IGSF10: variants seen among roughly 807,000 people sequenced by gnomAD.
The protein encoded by IGSF10 is calvaria mechanical force protein 608.
A neutral mutation model predicts 128.2 loss-of-function variants in IGSF10; 126 were observed. The ratio of observed to expected loss-of-function variants is 0.98; its 90% CI spans 0.85 to 1.14. The LOEUF (loss-of-function observed/expected upper bound fraction) is 1.14. Among genes scored for constraint, IGSF10 ranks in the 50% most tolerant of loss-of-function variants. The probability of loss-of-function intolerance (pLI) is 0.00; values close to 1 mark genes in which losing one functional copy is unlikely to be tolerated. For synonymous variants in IGSF10, 1,185 were observed against 1,146.2 expected (o/e 1.03, Z -0.68); for missense variants, 3,295 against 3,149.8 (o/e 1.05, Z -1.10).
At chr3:151,508,174 T>C in the IGSF10 span, among the ~76,000 whole-genome samples, 1 of 152,042 alleles carries the variant, frequency 6.6e-6, no homozygotes, top group African/African-American at 2.4e-5. Context: ...GGCATAAAAA[T>C]GTGTATTAAA....
chr3:151,499,068 T>G, the IGSF10 span, among the ~76,000 whole-genome samples: 1 of 152,166 alleles, frequency 6.6e-6, no homozygotes, highest in East Asian at 1.9e-4. Flanking sequence ...TACATTTTAC[T>G]TTTGTACATG....
the IGSF10 span, among the ~76,000 whole-genome samples, chr3:151,585,059 C>T: frequency 6.6e-6 from 1 of 152,146 alleles, no homozygotes; most frequent in Non-Finnish European, 1.5e-5. Context: ...ACTTCCTTGG[C>T]TTATTAGAGT....
the IGSF10 span, among the ~76,000 whole-genome samples, chr3:151,569,734 A>C: frequency 8.7e-4 from 132 of 151,990 alleles, 1 homozygote; most frequent in African/African-American, 2.9e-3. Flanking sequence ...CTATTTTTTA[A>C]TCTTTTTTTT....
the IGSF10 span, among the ~76,000 whole-genome samples, chr3:151,488,812 C>T: frequency 3.3e-5 from 5 of 152,272 alleles, no homozygotes; most frequent in East Asian, 7.7e-4. Flanking sequence ...ACACCTTATA[C>T]AAAAAGTAAC....
chr3:151,502,811 C>T, the IGSF10 span, among the ~76,000 whole-genome samples: 1 of 152,032 alleles, frequency 6.6e-6, no homozygotes, highest in African/African-American at 2.4e-5. Context: ...GCTAACAATA[C>T]AGCAAGAAAA....
the IGSF10 span, among the ~76,000 whole-genome samples, chr3:151,470,496 A>C: frequency 6.6e-6 from 1 of 152,174 alleles, no homozygotes; most frequent in Admixed American, 6.5e-5. Flanking sequence ...GCTCACTAAT[A>C]ATGCTATACC....
the IGSF10 span, among the ~76,000 whole-genome samples, chr3:151,484,100 T>G: frequency 6.6e-6 from 1 of 152,186 alleles, no homozygotes; most frequent in Non-Finnish European, 1.5e-5. Flanking sequence ...CCTGGAATGC[T>G]CAAGCTTGGT....
At chr3:151,525,415 T>C in the IGSF10 span, among the ~76,000 whole-genome samples, 1 of 152,284 alleles carries the variant, frequency 6.6e-6, no homozygotes, top group Non-Finnish European at 1.5e-5. Flanking sequence ...TTCCTAACTG[T>C]ATTAATTTCT....
At chr3:151,574,713 A>G in the IGSF10 span, among the ~76,000 whole-genome samples, 11 of 152,164 alleles carry the variant, frequency 7.2e-5, no homozygotes, top group African/African-American at 1.7e-4. Flanking sequence ...TCTGAAGCCT[A>G]CTTCTGTCAG....
the IGSF10 span, among the ~76,000 whole-genome samples, chr3:151,617,349 C>A: frequency 6.8e-6 from 1 of 148,122 alleles, no homozygotes; most frequent in African/African-American, 2.5e-5. Flanking sequence ...CCTCCTCCTC[C>A]TCCTCCTCCT....
chr3:151,511,497 G>A, the IGSF10 span, among the ~76,000 whole-genome samples: 72,708 of 152,006 alleles, frequency 0.48, 17,859 homozygotes, highest in South Asian at 0.59. Context: ...ACTGGTACCA[G>A]CCACTGCAAA....
the IGSF10 span, among the ~76,000 whole-genome samples, chr3:151,486,570 AAC>A: frequency 6.6e-6 from 1 of 152,218 alleles, no homozygotes; most frequent in Non-Finnish European, 1.5e-5. Flanking sequence ...TTGGAAGTAA[AAC>A]ACTCTTCAGC....
At position 151,453,574 on chromosome 3, in the gene IGSF10, A is replaced by C; in HGVS notation, c.525T>G (p.Ser175=). The change falls in exon 5 of 8, where the codon TCT becomes TCG. Residue 175 remains serine (S), a synonymous_variant. Coordinates refer to ENST00000282466, the MANE Select transcript of IGSF10 (RefSeq NM_178822.5). The stretch of plus-strand genomic sequence containing the variant: ...TTTTAAATATCTGGAGGTAGCTCAA[A>C]GAGACAAATGTATCTGGGTGGAGCT... ...LTKLHPDTFV[S]LSYLQIFKIS... 6.2e-7 allele frequency: 1 copy of C among 1,614,026 alleles called. No individual in the cohort carries two copies. The highest frequency in any genetic ancestry group is 8.5e-7 in the Non-Finnish European group (1 of 1,179,870).
chr3:151,488,209 C>T, the IGSF10 span, among the ~76,000 whole-genome samples: 2 of 152,138 alleles, frequency 1.3e-5, no homozygotes, highest in African/African-American at 4.8e-5. Context: ...CATGAGTGAA[C>T]TCCCATTCAC....
chr3:151,479,070 C>A, the IGSF10 span, among the ~76,000 whole-genome samples: 41 of 152,280 alleles, frequency 2.7e-4, no homozygotes, highest in African/African-American at 9.1e-4. Context: ...GTCATGCCTG[C>A]AAATGCATAG....
At chr3:151,595,238 G>A in the IGSF10 span, among the ~76,000 whole-genome samples, 2 of 152,050 alleles carry the variant, frequency 1.3e-5, no homozygotes, top group Non-Finnish European at 2.9e-5. Flanking sequence ...TAGAACTACC[G>A]AATGACCCAG....
the IGSF10 span, among the ~76,000 whole-genome samples, chr3:151,498,525 G>A: frequency 2.0e-5 from 3 of 152,142 alleles, no homozygotes; most frequent in African/African-American, 7.2e-5. Flanking sequence ...ATCAATAAAC[G>A]TAATCCAGCA....
intron 1 of IGSF10, among the ~76,000 whole-genome samples, chr3:151,460,582 C>T (rs937989053): frequency 6.6e-6 from 1 of 152,226 alleles, no homozygotes; most frequent in Non-Finnish European, 1.5e-5. Context: ...CAGTAGTGTA[C>T]TTAATACTCC....
the IGSF10 span, among the ~76,000 whole-genome samples, chr3:151,549,480 C>T: frequency 4.5e-4 from 68 of 152,304 alleles, no homozygotes; most frequent in Non-Finnish European, 8.5e-4. Context: ...CCAGAGCTGT[C>T]TGATATCCTC....
Sources: allele counts gnomAD v4.1 joint callset (sites outside exome capture counted in the v4.1 genomes callset), GRCh38; gene constraint gnomAD v4.1.1; transcripts MANE v1.5; gene names NCBI Gene and HGNC (gene_info 2026-07-23, HGNC 2026-07-21).